The following KLRG2 variants were observed in gnomAD, a reference collection of about 807,000 sequenced individuals.
The protein encoded by KLRG2 is killer cell lectin-like receptor subfamily G member 2.
A neutral mutation model predicts 35.4 loss-of-function variants in KLRG2; 39 were observed. That is an observed-to-expected ratio of 1.10 (90% CI 0.85 to 1.44). The LOEUF (loss-of-function observed/expected upper bound fraction) is 1.44. KLRG2 is among the 40% of genes most tolerant of loss of function. The pLI is 0.00. For missense variants in KLRG2, 632 were observed against 570.9 expected, an observed-to-expected ratio of 1.11 and a Z score of -1.09; for synonymous variants, 283 against 265.8, an observed-to-expected ratio of 1.06 and a Z score of -0.63.
downstream of KLRG2, among the ~76,000 whole-genome samples, chr7:139,451,112 C>G (rs939815565): frequency 9.9e-5 from 15 of 152,166 alleles, no homozygotes; most frequent in Non-Finnish European, 2.2e-4. Flanking sequence ...CCATCCAATA[C>G]CATCTAAAGC....
At chr7:139,465,055 C>T (rs1377515233) in intron 3 of KLRG2, among the ~76,000 whole-genome samples, 1 of 152,180 alleles carries the variant, frequency 6.6e-6, no homozygotes, top group African/African-American at 2.4e-5. Flanking sequence ...TCCTGTTCCT[C>T]ACCCTGAACA....
At chr7:139,470,625 C>G (rs898739157) in intron 3 of KLRG2, among the ~76,000 whole-genome samples, 1 of 151,930 alleles carries the variant, frequency 6.6e-6, no homozygotes, top group African/African-American at 2.4e-5. Flanking sequence ...GATTTCATCT[C>G]TACAAAAAAT....
downstream of KLRG2, among the ~76,000 whole-genome samples, chr7:139,450,361 C>T (rs958498572): frequency 2.6e-5 from 4 of 151,794 alleles, no homozygotes; most frequent in South Asian, 2.1e-4. Context: ...GTAGCTGGGA[C>T]TACAGGCGCC....
chr7:139,432,869 T>G, the KLRG2 span, among the ~76,000 whole-genome samples: 1 of 152,166 alleles, frequency 6.6e-6, no homozygotes, highest in South Asian at 2.1e-4. Context: ...AACCCAAGGT[T>G]GGTTGAATTC....
At chr7:139,429,325 C>T in the KLRG2 span, among the ~76,000 whole-genome samples, 1 of 151,904 alleles carries the variant, frequency 6.6e-6, no homozygotes, top group Non-Finnish European at 1.5e-5. Context: ...GTAAATAAAT[C>T]ATCACTTCAA....
At chr7:139,443,024 A>T in the KLRG2 span, among the ~76,000 whole-genome samples, 2 of 152,150 alleles carry the variant, frequency 1.3e-5, no homozygotes, top group African/African-American at 4.8e-5. Context: ...ATGAAGATCC[A>T]AGAAGTACTA....
chr7:139,464,958 G>A (rs2116448789), intron 3 of KLRG2, among the ~76,000 whole-genome samples: 1 of 152,292 alleles, frequency 6.6e-6, no homozygotes, highest in Non-Finnish European at 1.5e-5. Context: ...AATTACCATT[G>A]TTACTGGCCC....
At chr7:139,434,999 TAAA>T in the KLRG2 span, among the ~76,000 whole-genome samples, 4 of 152,164 alleles carry the variant, frequency 2.6e-5, no homozygotes, top group African/African-American at 9.7e-5. Context: ...TGCTGAGGCT[TAAA>T]AAAGTCAAAA....
At chr7:139,482,857 G>T (rs767682394) in intron 1 of KLRG2, 29 bp downstream of exon 1, 2 of 1,373,304 alleles carry the variant, frequency 1.5e-6, no homozygotes, top group South Asian at 1.7e-5. Context: ...ACCTGGCGGC[G>T]TCGGCTGCCG....
At chr7:139,429,814 C>T in the KLRG2 span, among the ~76,000 whole-genome samples, 2 of 152,148 alleles carry the variant, frequency 1.3e-5, no homozygotes, top group African/African-American at 4.8e-5. Context: ...CAATCTTTTC[C>T]CCACCTTCCC....
At chr7:139,454,479 C>T (rs1436167753) in intron 3 of KLRG2, among the ~76,000 whole-genome samples, 2 of 152,090 alleles carry the variant, frequency 1.3e-5, no homozygotes, top group African/African-American at 4.8e-5. Flanking sequence ...CTAAGTGATG[C>T]TCAGTGGGCA....
At chr7:139,475,826 T>C (rs1449222207) in intron 3 of KLRG2, among the ~76,000 whole-genome samples, 1 of 152,092 alleles carries the variant, frequency 6.6e-6, no homozygotes, top group Non-Finnish European at 1.5e-5. Flanking sequence ...GACGGGCGTC[T>C]GAAGCTGGGC....
chr7:139,454,025 C>T, intron 4 of KLRG2, 86 bp downstream of exon 4: 4 of 896,950 alleles, frequency 4.5e-6, no homozygotes, highest in Non-Finnish European at 1.8e-6. Context: ...GCATTCCAGG[C>T]TAGGGGAGCA....
In KLRG2 at chr7:139,479,678, C is replaced by T. The variant is rs1796919592; in HGVS notation, c.954G>A (p.Gln318=). Residue 318 remains glutamine, a synonymous_variant, in exon 3 of 5, where the codon CAG becomes CAA. Coordinates refer to ENST00000340940, the MANE Select transcript of KLRG2 (RefSeq NM_198508.4). The part of the protein sequence containing the change: ...SAEAQAWEAS[Q]AFCSAYHATL... ...TAGCGTGGTAGGCTGAGCAGAAAGC[C>T]TGGCTGGCTTCCCAGGCCTGCGCTT... is the stretch of plus-strand genomic sequence containing the variant. The T allele has an allele frequency of 1.9e-6, 3 of 1,613,852 alleles. No individual in the cohort carries two copies. Among genetic ancestry groups the T allele is most frequent in the Admixed American group, 3.3e-5 (2 of 59,996 alleles).
intron 3 of KLRG2, among the ~76,000 whole-genome samples, chr7:139,475,441 G>C (rs1312612259): frequency 1.3e-5 from 2 of 151,726 alleles, no homozygotes; most frequent in Non-Finnish European, 2.9e-5. Flanking sequence ...TGAGGCAGGA[G>C]AATGGCGTGA....
chr7:139,468,814 G>T (rs1796709886), intron 3 of KLRG2, among the ~76,000 whole-genome samples: 1 of 152,200 alleles, frequency 6.6e-6, no homozygotes, highest in Non-Finnish European at 1.5e-5. Context: ...ACCTCAAAAT[G>T]TGACCGTACT....
chr7:139,429,629 C>T, the KLRG2 span, among the ~76,000 whole-genome samples: 1 of 151,848 alleles, frequency 6.6e-6, no homozygotes, highest in African/African-American at 2.4e-5. Flanking sequence ...TCTTGCACCA[C>T]CCTTAATCCA....
At chr7:139,467,484 T>C (rs1341738439) in intron 3 of KLRG2, among the ~76,000 whole-genome samples, 2 of 152,132 alleles carry the variant, frequency 1.3e-5, no homozygotes, top group Non-Finnish European at 2.9e-5. Flanking sequence ...CATTTTGTTC[T>C]GTACTAAAAA....
Position 139,483,454 on chromosome 7 carries a change from C to T in KLRG2, c.189G>A (p.Glu63=). The T allele has an allele frequency of 6.3e-7, 1 of 1,588,670 alleles. No individual in the cohort carries two copies. Residue 63 remains glutamate (E), a synonymous_variant, in exon 1 of 5, where the codon GAG becomes GAA. Transcript: ENST00000340940. Reference sequence around the variant, plus strand: ...AAGGCGGCTTTTTCTTGCTCGAGGGCTCCAGGCCTGCGCCCGCCGCCTTCT... The same window carrying T: ...AAGGCGGCTTTTTCTTGCTCGAGGGTTCCAGGCCTGCGCCCGCCGCCTTCT... ...AVEKAAGAGL[E]PSSKKKPPSP... is the part of the protein sequence containing the mutation.
Sources: allele counts gnomAD v4.1 joint callset (sites outside exome capture counted in the v4.1 genomes callset), GRCh38; gene constraint gnomAD v4.1.1; transcripts MANE v1.5; gene names NCBI Gene and HGNC (gene_info 2026-07-23, HGNC 2026-07-21).